THSD7A: variants seen among roughly 807,000 people sequenced by gnomAD.
THSD7A encodes the protein thrombospondin type 1 domain containing 7A.
THSD7A carries 96 observed loss-of-function variants against 231.3 expected under a neutral mutation model. That is an observed-to-expected ratio of 0.41 (90% CI 0.35 to 0.49). The LOEUF (loss-of-function observed/expected upper bound fraction) is 0.49. Ranked by LOEUF, THSD7A falls within the 20% of genes least tolerant of loss-of-function variation. The pLI is 0.05. For synonymous variants in THSD7A, 940 were observed against 743.3 expected (o/e 1.26, Z -4.30); for missense variants, 2,290 against 2,070.2 (o/e 1.11, Z -2.06).
intron 11 of THSD7A, among the ~76,000 whole-genome samples, chr7:11,451,966 C>G (rs748836182): frequency 1.3e-5 from 2 of 151,972 alleles, no homozygotes; most frequent in Non-Finnish European, 2.9e-5. Context: ...ATTGCCTGAT[C>G]CAAAATGGGC....
At chr7:11,564,600 C>T (rs1160374007) in intron 4 of THSD7A, among the ~76,000 whole-genome samples, 1 of 152,146 alleles carries the variant, frequency 6.6e-6, no homozygotes, top group African/African-American at 2.4e-5. Flanking sequence ...ACCATCTTAG[C>T]AGACAGAAAC....
intron 4 of THSD7A, among the ~76,000 whole-genome samples, chr7:11,563,911 G>C (rs1330563582): frequency 6.6e-6 from 1 of 152,046 alleles, no homozygotes. Flanking sequence ...CTCTTGAATT[G>C]TGGTGAGGTC....
At chr7:11,805,780 T>C (rs1784384151) in intron 1 of THSD7A, among the ~76,000 whole-genome samples, 1 of 152,230 alleles carries the variant, frequency 6.6e-6, no homozygotes, top group Non-Finnish European at 1.5e-5. Context: ...TCAGAAGTGT[T>C]TTTATAGTTA....
chr7:11,723,678 T>A (rs1343291159), intron 1 of THSD7A, among the ~76,000 whole-genome samples: 1 of 151,732 alleles, frequency 6.6e-6, no homozygotes, highest in East Asian at 2.0e-4. Context: ...ATTTAGGAGA[T>A]CAGGAGGCTA....
At chr7:11,793,948 T>G (rs1784044095) in intron 1 of THSD7A, among the ~76,000 whole-genome samples, 1 of 151,812 alleles carries the variant, frequency 6.6e-6, no homozygotes, top group African/African-American at 2.4e-5. Context: ...TAATTGAGTG[T>G]CAAATGATCT....
At chr7:11,540,312 G>T (rs1400400558) in intron 6 of THSD7A, among the ~76,000 whole-genome samples, 1 of 152,166 alleles carries the variant, frequency 6.6e-6, no homozygotes, top group African/African-American at 2.4e-5. Context: ...AAGACAAAAG[G>T]CTAATTTCTC....
chr7:11,709,261 A>T (rs1033077727), intron 1 of THSD7A, among the ~76,000 whole-genome samples: 1 of 150,774 alleles, frequency 6.6e-6, no homozygotes, highest in African/African-American at 2.4e-5. Context: ...CCTTCTAACT[A>T]GTAGGTACCC....
Position 11,407,991 on chromosome 7 carries a change from T to G in THSD7A, c.3799-568A>C, listed in dbSNP as rs1323230491. 3.9e-5 allele frequency among the ~76,000 whole-genome samples: 6 copies of G among 152,316 alleles called. No homozygotes were observed. The East Asian group carries it at 9.6e-4, about 24-fold the overall frequency. ...TTTTTTTGATTATGAATATTTTATGTGCATTTTTTAAAACAAAGATTTTCA... is the reference window on the plus strand; with the variant it reads ...TTTTTTTGATTATGAATATTTTATGGGCATTTTTTAAAACAAAGATTTTCA... On this transcript the variant is annotated intron_variant, in intron 19 of 27. Coordinates refer to ENST00000423059, the MANE Select transcript of THSD7A (RefSeq NM_015204.3).
intron 1 of THSD7A, among the ~76,000 whole-genome samples, chr7:11,730,233 A>T (rs574294925): frequency 3.8e-4 from 57 of 151,802 alleles, no homozygotes; most frequent in African/African-American, 1.3e-3. Context: ...AAATTTAAAA[A>T]TGAAGCATAT....
intron 1 of THSD7A, among the ~76,000 whole-genome samples, chr7:11,732,324 G>C (rs9691415): frequency 0.73 from 110,743 of 151,626 alleles, 40,497 homozygotes; most frequent in South Asian, 0.79. Context: ...TAGATGAACT[G>C]CAATTCAGAA....
At chr7:11,386,883 C>T (rs886832892) in intron 23 of THSD7A, among the ~76,000 whole-genome samples, 84 of 151,992 alleles carry the variant, frequency 5.5e-4, no homozygotes, top group African/African-American at 2.0e-3. Flanking sequence ...GAGTGAATTT[C>T]TGTATAAGGT....
chr7:11,414,798 C>T (rs1034033322), intron 17 of THSD7A, among the ~76,000 whole-genome samples: 1 of 152,228 alleles, frequency 6.6e-6, no homozygotes, highest in African/African-American at 2.4e-5. Context: ...TGGAATAACA[C>T]TATCTGTTTT....
chr7:11,765,033 T>C (rs1308565834), intron 1 of THSD7A, among the ~76,000 whole-genome samples: 2 of 152,040 alleles, frequency 1.3e-5, no homozygotes, highest in African/African-American at 2.4e-5. Flanking sequence ...CTTAAAAATA[T>C]GTGGCATAAG....
At chr7:11,388,326 G>C (rs1401144503) in intron 23 of THSD7A, among the ~76,000 whole-genome samples, 1 of 152,088 alleles carries the variant, frequency 6.6e-6, no homozygotes, top group Non-Finnish European at 1.5e-5. Flanking sequence ...TCTGGTCCTG[G>C]ACTTTTTGTG....
Position 11,447,368 on chromosome 7 carries a change from A to T in THSD7A, c.2662T>A (p.Tyr888Asn). 1 of 1,608,332 alleles carries T rather than the reference A, an allele frequency of 6.2e-7. No individual in the cohort carries two copies. Among genetic ancestry groups the T allele is most frequent in the Non-Finnish European group, 8.5e-7 (1 of 1,177,600 alleles). ...GQAGIHECLQ[Y>N]AGPVPALTQA... ...GTAAGGGCTGGCACAGGGCCTGCAT[A>T]CTGTAGGCACTCATGGATTCCAGCC... is the stretch of plus-strand genomic sequence containing the variant. The change falls in exon 12 of 28, where the codon TAT (tyrosine) becomes AAT (asparagine). Residue 888 changes from tyrosine (Y) to asparagine (N), a missense_variant. Coordinates refer to ENST00000423059, the MANE Select transcript of THSD7A (RefSeq NM_015204.3).
At chr7:11,611,223 G>A (rs1484399153) in intron 2 of THSD7A, among the ~76,000 whole-genome samples, 1 of 151,856 alleles carries the variant, frequency 6.6e-6, no homozygotes, top group Non-Finnish European at 1.5e-5. Flanking sequence ...TATTTAATGT[G>A]CAATAAAATA....
intron 13 of THSD7A, among the ~76,000 whole-genome samples, chr7:11,433,574 G>T (rs930506951): frequency 6.6e-6 from 1 of 151,836 alleles, no homozygotes; most frequent in Non-Finnish European, 1.5e-5. Flanking sequence ...TATTTCAAAG[G>T]TAATAAGTTA....
At chr7:11,407,928 G>A (rs906588783) in intron 19 of THSD7A, among the ~76,000 whole-genome samples, 2 of 151,916 alleles carry the variant, frequency 1.3e-5, no homozygotes, top group African/African-American at 4.8e-5. Flanking sequence ...TAAAGTATCA[G>A]CTATCTTTTA....
At chr7:11,572,500 A>G (rs1790682504) in intron 4 of THSD7A, among the ~76,000 whole-genome samples, 2 of 151,930 alleles carry the variant, frequency 1.3e-5, no homozygotes, top group African/African-American at 4.8e-5. Context: ...TATGTCTTTG[A>G]ACATATGTTT....
Sources: gnomAD v4.1 joint callset for allele counts (sites outside exome capture counted in the v4.1 genomes callset) on GRCh38, gnomAD v4.1.1 for gene constraint, MANE v1.5 for transcripts, NCBI Gene and HGNC (gene_info 2026-07-23, HGNC 2026-07-21) for gene names.